Variants in CHRNA7 observed in about 807,000 individuals in gnomAD.
CHRNA7 encodes the protein neuronal acetylcholine receptor subunit alpha-7.
CHRNA7 carries 17 observed loss-of-function variants against 48.0 expected under a neutral mutation model. The ratio of observed to expected loss-of-function variants is 0.35; its 90% CI spans 0.24 to 0.53. The LOEUF (loss-of-function observed/expected upper bound fraction) is 0.53. CHRNA7 is among the 20% of genes least tolerant of loss of function. The probability of loss-of-function intolerance (pLI) is 0.92; values close to 1 mark genes in which losing one functional copy is unlikely to be tolerated. For synonymous variants in CHRNA7, 75 were observed against 242.3 expected, an observed-to-expected ratio of 0.31 and a Z score of 6.41; for missense variants, 155 against 577.7, an observed-to-expected ratio of 0.27 and a Z score of 7.50.
At chr15:32,136,062 A>G (rs2051251006) in intron 4 of CHRNA7, among the ~76,000 whole-genome samples, 1 of 152,222 alleles carries the variant, frequency 6.6e-6, no homozygotes. Context: ...GGGCTGTGCT[A>G]CTATTTTAAA....
At chr15:32,060,846 C>T (rs541587278) in intron 2 of CHRNA7, among the ~76,000 whole-genome samples, 3 of 152,244 alleles carry the variant, frequency 2.0e-5, no homozygotes, top group South Asian at 2.1e-4. Context: ...GGCGGGAGGG[C>T]GTGTCTTCAC....
At chr15:32,146,325 A>G (rs138917142) in intron 4 of CHRNA7, among the ~76,000 whole-genome samples, 1,885 of 152,346 alleles carry the variant, frequency 0.012, 14 homozygotes, top group Admixed American at 0.022. Flanking sequence ...GTCTCACTTA[A>G]TGCTGAAACA....
intron 2 of CHRNA7, among the ~76,000 whole-genome samples, chr15:32,057,596 C>T (rs1303160997): frequency 6.6e-6 from 1 of 152,068 alleles, no homozygotes; most frequent in African/African-American, 2.4e-5. Context: ...TTTTTAAAAA[C>T]AACATTTAAA....
chr15:32,045,562 A>T (rs2049526232), intron 2 of CHRNA7, among the ~76,000 whole-genome samples: 1 of 151,096 alleles, frequency 6.6e-6, no homozygotes, highest in African/African-American at 2.4e-5. Context: ...TTTGAGACAG[A>T]GTCTCACTTT....
intron 4 of CHRNA7, among the ~76,000 whole-genome samples, chr15:32,116,329 G>A (rs1238741522): frequency 6.6e-6 from 1 of 152,124 alleles, no homozygotes; most frequent in Admixed American, 6.5e-5. Flanking sequence ...AAGTGGCTGG[G>A]TCACTGCAAA....
chr15:32,108,211 T>A (rs1196524578), intron 3 of CHRNA7, among the ~76,000 whole-genome samples: 1 of 152,048 alleles, frequency 6.6e-6, no homozygotes, highest in African/African-American at 2.4e-5. Context: ...GAATTGGGAT[T>A]CCCCCAGTGC....
intron 2 of CHRNA7, among the ~76,000 whole-genome samples, chr15:32,065,518 A>G (rs1242041256): frequency 6.6e-6 from 1 of 152,264 alleles, no homozygotes; most frequent in Non-Finnish European, 1.5e-5. Context: ...ACTGAGGAAG[A>G]TAATAAGCTA....
At chr15:32,083,275 G>A (rs897642488) in intron 2 of CHRNA7, among the ~76,000 whole-genome samples, 3 of 152,140 alleles carry the variant, frequency 2.0e-5, no homozygotes, top group Non-Finnish European at 4.4e-5. Flanking sequence ...TGTTAAAAAA[G>A]TGAGTTTGGT....
intron 2 of CHRNA7, among the ~76,000 whole-genome samples, chr15:32,078,005 A>G (rs187052930): frequency 8.5e-5 from 13 of 152,320 alleles, no homozygotes; most frequent in Non-Finnish European, 1.5e-4. Context: ...TCAATTTTCC[A>G]TATGAGATTT....
chr15:32,069,713 A>G (rs2050023370), intron 2 of CHRNA7, among the ~76,000 whole-genome samples: 1 of 152,220 alleles, frequency 6.6e-6, no homozygotes. Flanking sequence ...TAATTTTATC[A>G]TACATTAATT....
chr15:32,116,406 T>C (rs2050872697), intron 4 of CHRNA7, among the ~76,000 whole-genome samples: 1 of 152,218 alleles, frequency 6.6e-6, no homozygotes, highest in Non-Finnish European at 1.5e-5. Flanking sequence ...TAACAAGTCA[T>C]GCTGCTGCCA....
chr15:32,031,732 C>T (rs1595365669), intron 2 of CHRNA7, among the ~76,000 whole-genome samples: 2 of 152,370 alleles, frequency 1.3e-5, no homozygotes, highest in Non-Finnish European at 2.9e-5. Flanking sequence ...GTTAGCCAAT[C>T]TGTGTAAACT....
intron 4 of CHRNA7, among the ~76,000 whole-genome samples, chr15:32,123,111 A>G (rs1285744144): frequency 1.3e-5 from 2 of 152,224 alleles, no homozygotes; most frequent in Non-Finnish European, 2.9e-5. Context: ...CAAACCTGGA[A>G]TATAATCAGC....
intron 2 of CHRNA7, among the ~76,000 whole-genome samples, chr15:32,057,508 T>C (rs560616977): frequency 2.5e-4 from 38 of 152,344 alleles, no homozygotes; most frequent in African/African-American, 8.2e-4. Context: ...ACCCCAACTT[T>C]ATAGCCATAG....
At chr15:32,117,690 A>G (rs914471254) in intron 4 of CHRNA7, among the ~76,000 whole-genome samples, 5 of 152,148 alleles carry the variant, frequency 3.3e-5, no homozygotes, top group Admixed American at 2.0e-4. Context: ...AGGGGTGCCT[A>G]TTCTACGTGG....
chr15:32,137,030 T>A (rs1285490468), intron 4 of CHRNA7, among the ~76,000 whole-genome samples: 2 of 21,490 alleles, frequency 9.3e-5, no homozygotes, highest in Admixed American at 6.4e-4. Flanking sequence ...AGACTCCGTC[T>A]CAAAAAAAAA....
At chr15:32,145,533 T>A (rs772440667) in intron 4 of CHRNA7, among the ~76,000 whole-genome samples, 17 of 151,978 alleles carry the variant, frequency 1.1e-4, no homozygotes, top group Non-Finnish European at 2.1e-4. Flanking sequence ...AGAAGTGGAG[T>A]CTATAGAGGC....
chr15:32,066,350 C>T (rs1160051218), intron 2 of CHRNA7, among the ~76,000 whole-genome samples: 1 of 151,228 alleles, frequency 6.6e-6, no homozygotes, highest in East Asian at 1.9e-4. Flanking sequence ...GGCGCGATGT[C>T]CACTCACTGC....
At position 32,089,881 on chromosome 15, in the gene CHRNA7, G is replaced by A. The variant is rs77838618; in HGVS notation, c.196-11422G>A. ...TTTGATGTTTGCTATAGCTTTAACT[G>A]CCAGAGCCTTCAGGTTCTTCTAGTG... On this transcript the variant is annotated intron_variant, in intron 2 of 9. Transcript: ENST00000306901. 6.6e-3 allele frequency among the ~76,000 whole-genome samples: 1,003 copies of A among 152,276 alleles called. 17 individuals are homozygous for A. Among genetic ancestry groups the A allele is most frequent in the African/African-American group, 0.023 (958 of 41,552 alleles).
Sources: gnomAD v4.1 joint callset for allele counts (sites outside exome capture counted in the v4.1 genomes callset) on GRCh38, gnomAD v4.1.1 for gene constraint, MANE v1.5 for transcripts, NCBI Gene and HGNC (gene_info 2026-07-23, HGNC 2026-07-21) for gene names.